The following TBATA variants were observed in gnomAD, a reference collection of about 807,000 sequenced individuals.
TBATA encodes protein TBATA.
A neutral mutation model predicts 38.7 loss-of-function variants in TBATA; 47 were observed. That is an observed-to-expected ratio of 1.21 (90% confidence interval 0.96 to 1.55). TBATA has a LOEUF of 1.55. Ranked by LOEUF, TBATA falls within the 40% of genes most tolerant of loss-of-function variation. The pLI is 0.00. For synonymous variants in TBATA, 183 were observed against 170.5 expected (o/e 1.07, Z -0.57); for missense variants, 436 against 435.6 (o/e 1.00, Z -0.01).
intron 6 of TBATA, 100 bp downstream of exon 6, chr10:70,778,457 C>T: frequency 1.7e-6 from 2 of 1,193,206 alleles, no homozygotes; most frequent in South Asian, 1.2e-5. Context: ...GTCCCCCCAC[C>T]CCACCTCTGG....
rs565921428 is a variant in TBATA, at chr10:70,774,661, CT to C, written c.776-305del. On this transcript the variant is annotated intron_variant, in intron 8 of 10. Transcript: ENST00000456372. Reference sequence around the variant, plus strand: ...AGTCTACTGGGGACCTGCCTTCCTCCTCCCCCTTCTCCTTCACTCTCCTGTC... The same window carrying C: ...AGTCTACTGGGGACCTGCCTTCCTCCCCCCCTTCTCCTTCACTCTCCTGTC... 1.6e-4 allele frequency among the ~76,000 whole-genome samples: 24 copies of C among 152,246 alleles called. No homozygotes were observed. The East Asian group carries it at 3.9e-3, about 25-fold the overall frequency.
In TBATA at chr10:70,778,638, T is replaced by C. The variant is rs200536888; in HGVS notation, c.428-2A>G. On this transcript the variant is annotated splice_acceptor_variant, in intron 5 of 10. Transcript: ENST00000456372. LOFTEE classifies it high-confidence loss of function. ...CCTTCAACTCCTTCTTCCAGGCTTC[T>C]GGGAGGAGGGGACAAGGTCCTGCCA... 1.4e-4 allele frequency: 227 copies of C among 1,614,054 alleles called. No homozygotes were observed. The highest frequency in any genetic ancestry group is 8.2e-4 in the Middle Eastern group (5 of 6,084).
rs376834954 is a variant in TBATA, at chr10:70,775,183, C to T, written c.775+6G>A. On this transcript the variant is annotated splice_donor_region_variant and intron_variant, in intron 8 of 10. Coordinates refer to ENST00000456372, the MANE Select transcript of TBATA (RefSeq NM_001318241.2). ...CTGAGACAGTGCTGCGGGGCTGTGT[C>T]CTCACCCTTGGGCGGAGCGTAGAGC... is the stretch of plus-strand genomic sequence containing the variant. 1 of 1,612,096 alleles carries T rather than the reference C, an allele frequency of 6.2e-7. No homozygotes were observed. The highest frequency in any genetic ancestry group is 1.3e-5 in the African/African-American group (1 of 74,910).
intron 8 of TBATA, among the ~76,000 whole-genome samples, 190 bp downstream of exon 8, chr10:70,774,999 G>A (rs1843203908): frequency 6.6e-6 from 1 of 152,182 alleles, no homozygotes; most frequent in Non-Finnish European, 1.5e-5. Flanking sequence ...TGAGGAATTG[G>A]GGAGGAGGAA....
At chr10:70,773,748 G>A (rs896656007) in intron 9 of TBATA, among the ~76,000 whole-genome samples, 1 of 152,208 alleles carries the variant, frequency 6.6e-6, no homozygotes, top group Non-Finnish European at 1.5e-5. Context: ...CAAACTTATC[G>A]CTGCTCAGTG....
Position 70,783,382 on chromosome 10 carries a change from T to C in TBATA, c.-3A>G, listed in dbSNP as rs564225053. The C allele has an allele frequency of 2.7e-5, 44 of 1,614,156 alleles. No homozygotes were observed. The South Asian group carries it at 3.4e-4, about 12-fold the overall frequency. ...GCCAATTGAACATCTGTAGCCATTGTATGCTTTTTAACAGACTAAAGGCCA... is the reference window on the plus strand; with the variant it reads ...GCCAATTGAACATCTGTAGCCATTGCATGCTTTTTAACAGACTAAAGGCCA... On this transcript the variant is annotated 5_prime_UTR_variant, in exon 3 of 11. It adds an upstream start codon to the 5' untranslated region. Coordinates refer to ENST00000456372, the MANE Select transcript of TBATA (RefSeq NM_001318241.2).
In TBATA at chr10:70,781,830, G is replaced by T. The variant is rs773499721; in HGVS notation, c.248C>A (p.Pro83Gln). Residue 83 changes from proline (P) to glutamine (Q), a missense_variant, in exon 4 of 11, where the codon CCA (proline) becomes CAA (glutamine). Transcript: ENST00000456372. ...SHHSFFSRHH[P>Q]HPQHVTHIQD... The stretch of plus-strand genomic sequence containing the variant: ...GATGTGGGTCACGTGCTGGGGGTGT[G>T]GGTGGTGCCGGGAGAAGAAGGAGTG... The T allele has an allele frequency of 4.3e-6, 7 of 1,613,964 alleles. No individual in the cohort carries two copies. Among genetic ancestry groups the T allele is most frequent in the Non-Finnish European group, 5.9e-6 (7 of 1,179,924 alleles).
chr10:70,782,235 T>C, intron 3 of TBATA, 199 bp from the exon 4 acceptor site: 1 of 1,391,306 alleles, frequency 7.2e-7, no homozygotes, highest in Non-Finnish European at 9.8e-7. Flanking sequence ...AATCCTGTCC[T>C]GGTTAGTCTT....
intron 9 of TBATA, among the ~76,000 whole-genome samples, chr10:70,773,469 C>CCA (rs1554826523): frequency 2.0e-5 from 3 of 151,618 alleles, no homozygotes; most frequent in South Asian, 2.1e-4. Flanking sequence ...ATACAGGCCC[C>CCA]CCCGGCTTCA....
chr10:70,782,486 C>G, intron 3 of TBATA: 1 of 1,288,084 alleles, frequency 7.8e-7, no homozygotes, highest in Non-Finnish European at 1.0e-6. Context: ...CTGTCATCCT[C>G]CCCCATGCAC....
At chr10:70,774,818 C>T (rs1843182773) in intron 8 of TBATA, among the ~76,000 whole-genome samples, 1 of 152,194 alleles carries the variant, frequency 6.6e-6, no homozygotes, top group African/African-American at 2.4e-5. Context: ...ACATGAGTAG[C>T]CTTATGTGCA....
In TBATA at chr10:70,774,329, C is replaced by T. The variant is rs762764506; in HGVS notation, c.804G>A (p.Gln268=). The T allele has an allele frequency of 2.1e-5, 33 of 1,603,550 alleles. No individual in the cohort carries two copies. The highest frequency in any genetic ancestry group is 2.6e-5 in the Non-Finnish European group (30 of 1,175,936). Reference sequence around the variant, plus strand: ...GGGGAAGGAGCTGAGCCACTGCTGTCTGCAGGAGTCCCAGAGCGAGGTCTT... The same window carrying T: ...GGGGAAGGAGCTGAGCCACTGCTGTTTGCAGGAGTCCCAGAGCGAGGTCTT... ...KEKDLALGLL[Q]TAVAQLLPQP... Residue 268 remains glutamine (Q), a synonymous_variant, in exon 9 of 11, where the codon CAG becomes CAA. Transcript: ENST00000456372.
In TBATA at chr10:70,771,379, G is replaced by A. The variant is rs200946323; in HGVS notation, c.1056C>T (p.Ser352=). 6.3e-5 allele frequency: 101 copies of A among 1,614,228 alleles called. No homozygotes were observed. In the Middle Eastern group the frequency reaches 8.2e-4, roughly 13 times the overall value. Reference sequence around the variant, plus strand: ...CAGGTGCAAGTGTTAGGGCCCCTCAGCTCTCTGCCCTCGGCTTCGATGTCT... The same window carrying A: ...CAGGTGCAAGTGTTAGGGCCCCTCAACTCTCTGCCCTCGGCTTCGATGTCT... ...EKKTSKPRAE[S] Residue 352 remains serine (S), a synonymous_variant, in exon 11 of 11, where the codon AGC becomes AGT. Coordinates refer to ENST00000456372, the MANE Select transcript of TBATA (RefSeq NM_001318241.2).
At chr10:70,771,794 C>T (rs1842816296) in intron 10 of TBATA, among the ~76,000 whole-genome samples, 1 of 152,114 alleles carries the variant, frequency 6.6e-6, no homozygotes, top group Admixed American at 6.5e-5. Flanking sequence ...CAGCCTGCTG[C>T]CACCCCTGCC....
At chr10:70,778,907 G>A (rs1843769768) in intron 5 of TBATA, 5 of 540,890 alleles carry the variant, frequency 9.2e-6, no homozygotes, top group Middle Eastern at 5.2e-4. Flanking sequence ...CATTTCTAGG[G>A]GATGCTGGAG....
chr10:70,780,952 T>C (rs528113582), intron 4 of TBATA, among the ~76,000 whole-genome samples: 2 of 152,338 alleles, frequency 1.3e-5, no homozygotes, highest in Non-Finnish European at 2.9e-5. Flanking sequence ...GATGACCTTG[T>C]TAAAACATCT....
intron 7 of TBATA, among the ~76,000 whole-genome samples, chr10:70,776,709 C>A (rs984366519): frequency 6.6e-6 from 1 of 152,126 alleles, no homozygotes; most frequent in East Asian, 1.9e-4. Context: ...AGTGGGGAAA[C>A]GTGAGCATGG....
chr10:70,773,471 C>CCCA (rs548545292), intron 9 of TBATA, among the ~76,000 whole-genome samples: 13 of 151,394 alleles, frequency 8.6e-5, no homozygotes, highest in African/African-American at 2.9e-4. Context: ...ACAGGCCCCC[C>CCCA]CGGCTTCACC....
Position 70,775,281 on chromosome 10 carries a change from G to A in TBATA, c.694-11C>T. ...CAGGAGCTCCAGGACCTGTGGGCAG[G>A]AGGCCAGCACATTCCAGCCAGGAGT... On this transcript the variant is annotated splice_polypyrimidine_tract_variant and intron_variant, in intron 7 of 10. Coordinates refer to ENST00000456372, the MANE Select transcript of TBATA (RefSeq NM_001318241.2). The A allele has an allele frequency of 6.2e-7, 1 of 1,612,666 alleles. No individual in the cohort carries two copies. Among genetic ancestry groups the A allele is most frequent in the Non-Finnish European group, 8.5e-7 (1 of 1,178,706 alleles).
Sources: gnomAD v4.1 joint callset for allele counts (sites outside exome capture counted in the v4.1 genomes callset) on GRCh38, gnomAD v4.1.1 for gene constraint, MANE v1.5 for transcripts, NCBI Gene and HGNC (gene_info 2026-07-23, HGNC 2026-07-21) for gene names.